RGS6: variants seen among roughly 807,000 people sequenced by gnomAD.
RGS6 encodes the protein regulator of G-protein signaling 6.
A neutral mutation model predicts 78.5 loss-of-function variants in RGS6; 30 were observed. The observed-to-expected ratio is 0.38, with a 90% CI of 0.29 to 0.52. The LOEUF (loss-of-function observed/expected upper bound fraction) is 0.52, where lower values mean the gene tolerates loss of function less well. Among genes scored for constraint, RGS6 ranks in the 20% least tolerant of loss-of-function variants. The pLI, the probability that RGS6 is intolerant of heterozygous loss-of-function variation, is 0.85. For synonymous variants in RGS6, 206 were observed against 206.0 expected, an observed-to-expected ratio of 1.00 and a Z score of 0.00; for missense variants, 495 against 609.7, an observed-to-expected ratio of 0.81 and a Z score of 1.98.
At chr14:72,407,260 T>A (rs530967103) in intron 3 of RGS6, among the ~76,000 whole-genome samples, 9 of 152,334 alleles carry the variant, frequency 5.9e-5, no homozygotes, top group African/African-American at 2.2e-4. Flanking sequence ...ACACTGCCTG[T>A]GCTGAGCTGC....
chr14:72,026,877 G>A (rs1380076677), intron 2 of RGS6, among the ~76,000 whole-genome samples: 1 of 152,210 alleles, frequency 6.6e-6, no homozygotes, highest in South Asian at 2.1e-4. Context: ...ACAGGTAAGA[G>A]GTTGGGTAGG....
chr14:72,611,249 C>A, the RGS6 span, among the ~76,000 whole-genome samples: 1 of 152,258 alleles, frequency 6.6e-6, no homozygotes, highest in Non-Finnish European at 1.5e-5. Flanking sequence ...AAGCTGAAAT[C>A]TGGCTGTGAC....
chr14:72,499,767 C>T (rs2096696916), intron 13 of RGS6, among the ~76,000 whole-genome samples: 1 of 152,124 alleles, frequency 6.6e-6, no homozygotes, highest in Non-Finnish European at 1.5e-5. Flanking sequence ...GCTGGCTTCA[C>T]TTCTCATTCA....
chr14:72,278,196 T>C (rs902688095), intron 2 of RGS6, among the ~76,000 whole-genome samples: 2 of 152,234 alleles, frequency 1.3e-5, no homozygotes, highest in African/African-American at 2.4e-5. Context: ...ACATGTATTA[T>C]GAATCTCTGA....
intron 2 of RGS6, among the ~76,000 whole-genome samples, chr14:72,109,032 T>C (rs1463428142): frequency 6.6e-6 from 1 of 152,190 alleles, no homozygotes; most frequent in Non-Finnish European, 1.5e-5. Flanking sequence ...TCTAACTTCA[T>C]AGAGCTCTGT....
chr14:72,410,294 T>C (rs532913979), intron 3 of RGS6, among the ~76,000 whole-genome samples: 2 of 152,378 alleles, frequency 1.3e-5, no homozygotes, highest in Admixed American at 1.3e-4. Flanking sequence ...ATTGTGGTTT[T>C]GATTTGCATT....
In RGS6 at chr14:72,119,321, G is replaced by A. The variant is rs148607179; in HGVS notation, c.84+154446G>A. Among the ~76,000 whole-genome samples, 355 of 152,264 alleles carry A rather than the reference G, an allele frequency of 2.3e-3. 3 individuals are homozygous for A. The highest frequency in any genetic ancestry group is 8.4e-3 in the African/African-American group (348 of 41,552). On this transcript the variant is annotated intron_variant, in intron 2 of 17. Transcript: ENST00000553525. ...GGTAATGTGAGGATTTAGGAAGCAC[G>A]TTTTTAAGCTACTGTTGAGTTTCAT...
chr14:72,006,412 T>G (rs192066462), intron 2 of RGS6, among the ~76,000 whole-genome samples: 1 of 152,304 alleles, frequency 6.6e-6, no homozygotes, highest in African/African-American at 2.4e-5. Context: ...CTTCCAAGAT[T>G]AGGTTTTGAA....
chr14:71,921,046 T>C, the RGS6 span, among the ~76,000 whole-genome samples: 2 of 152,254 alleles, frequency 1.3e-5, no homozygotes, highest in East Asian at 3.9e-4. Context: ...GCAAAGGACC[T>C]GAGTAGGACA....
intron 11 of RGS6, among the ~76,000 whole-genome samples, chr14:72,477,710 T>C (rs2096272622): frequency 6.7e-6 from 1 of 149,946 alleles, no homozygotes; most frequent in African/African-American, 2.5e-5. Context: ...GACAGCAGAA[T>C]CACTTGAATC....
chr14:72,507,037 C>T (rs1205524905), intron 13 of RGS6, among the ~76,000 whole-genome samples: 3 of 131,798 alleles, frequency 2.3e-5, no homozygotes, highest in South Asian at 2.6e-4. Flanking sequence ...GCCATGGTGG[C>T]GGGTGCCTGT....
At chr14:72,543,232 G>C (rs2097349786) in intron 17 of RGS6, among the ~76,000 whole-genome samples, 1 of 152,352 alleles carries the variant, frequency 6.6e-6, no homozygotes, top group East Asian at 1.9e-4. Flanking sequence ...GGTGGGCCCA[G>C]CCTCACAGAT....
intron 2 of RGS6, among the ~76,000 whole-genome samples, chr14:72,295,425 C>T (rs79674003): frequency 0.014 from 2,061 of 152,244 alleles, 34 homozygotes; most frequent in African/African-American, 0.046. Context: ...TAACCCCCTC[C>T]CCAGATCCGG....
chr14:72,465,729 A>G, intron 6 of RGS6, 29 bp from the exon 7 acceptor site: 1 of 1,559,710 alleles, frequency 6.4e-7, no homozygotes, highest in African/African-American at 1.4e-5. Context: ...CTGGTTTTGT[A>G]CATGTTGTCA....
chr14:72,261,177 C>G (rs895536416), intron 2 of RGS6, among the ~76,000 whole-genome samples: 3 of 152,220 alleles, frequency 2.0e-5, no homozygotes, highest in Non-Finnish European at 4.4e-5. Context: ...CAGGATGTGA[C>G]TGCCTGCCTT....
chr14:72,474,614 T>C lies in RGS6; in HGVS notation c.619-11T>C, dbSNP rs752408509. Reference sequence around the variant, plus strand: ...CGTAGTAATTTATATGATGTGTTTTTTTTTTCTCAGCCAGGCTGTGTGAAC... The same window carrying C: ...CGTAGTAATTTATATGATGTGTTTTCTTTTTCTCAGCCAGGCTGTGTGAAC... On this transcript the variant is annotated splice_polypyrimidine_tract_variant and intron_variant, in intron 9 of 17. Transcript: ENST00000553525. 6.3e-7 allele frequency: 1 copy of C among 1,597,254 alleles called. No homozygotes were observed. Among genetic ancestry groups the C allele is most frequent in the East Asian group, 2.2e-5 (1 of 44,804 alleles).
At chr14:72,259,141 C>A (rs1055206643) in intron 2 of RGS6, among the ~76,000 whole-genome samples, 1 of 152,162 alleles carries the variant, frequency 6.6e-6, no homozygotes, top group African/African-American at 2.4e-5. Flanking sequence ...CCACCAGTGT[C>A]ACCATTTGTT....
In RGS6 at chr14:72,469,834, T is replaced by C. The variant is rs954777403; in HGVS notation, c.460-173T>C. ...AATGAATATTAATAGTTCAGCTCTGTACGGAGGGTCTGGCGCAAAGTCAAA... is the reference window on the plus strand; with the variant it reads ...AATGAATATTAATAGTTCAGCTCTGCACGGAGGGTCTGGCGCAAAGTCAAA... On this transcript the variant is annotated intron_variant, in intron 7 of 17. Transcript: ENST00000553525. 70 of 607,160 alleles carry C rather than the reference T, an allele frequency of 1.2e-4. No individual in the cohort carries two copies. The East Asian group carries it at 1.7e-3, about 15-fold the overall frequency. The allele number at this position is 607,160 out of a possible 1,614,324, so 37.6% of individuals were successfully genotyped here. A position where few individuals can be genotyped will look rare whatever the true frequency, so the allele number is the denominator to read the frequency against.
chr14:72,331,852 T>G (rs2075121114), intron 2 of RGS6, among the ~76,000 whole-genome samples: 1 of 152,198 alleles, frequency 6.6e-6, no homozygotes, highest in Non-Finnish European at 1.5e-5. Context: ...GATGCATGCT[T>G]CTTTTACAGT....
Sources: gnomAD v4.1 joint callset for allele counts (sites outside exome capture counted in the v4.1 genomes callset) on GRCh38, gnomAD v4.1.1 for gene constraint, MANE v1.5 for transcripts, NCBI Gene and HGNC (gene_info 2026-07-23, HGNC 2026-07-21) for gene names.